Variants in ADAMTS12 observed in about 807,000 individuals in gnomAD.
ADAMTS12 encodes the protein A disintegrin and metalloproteinase with thrombospondin motifs 12.
Under a neutral mutation model 167.8 loss-of-function variants are expected in ADAMTS12, and 118 were observed. The observed-to-expected ratio is 0.70, with a 90% confidence interval of 0.61 to 0.82. The LOEUF is 0.82. ADAMTS12 is among the 40% of genes least tolerant of loss of function. The pLI is 0.00. For missense variants in ADAMTS12, 1,916 were observed against 1,998.8 expected, an observed-to-expected ratio of 0.96 and a Z score of 0.79; for synonymous variants, 704 against 716.9, an observed-to-expected ratio of 0.98 and a Z score of 0.29.
chr5:33,733,725 T>A (rs1015235125), intron 3 of ADAMTS12, among the ~76,000 whole-genome samples: 1 of 152,070 alleles, frequency 6.6e-6, no homozygotes, highest in African/African-American at 2.4e-5. Context: ...CCTGAAAGGA[T>A]CATAAGTGTC....
At chr5:33,800,159 A>C (rs1004839262) in intron 2 of ADAMTS12, among the ~76,000 whole-genome samples, 4 of 152,216 alleles carry the variant, frequency 2.6e-5, no homozygotes, top group Admixed American at 2.0e-4. Context: ...ATAGATACAC[A>C]CACTTCAATT....
At chr5:33,681,201 A>G (rs1176349495) in intron 5 of ADAMTS12, among the ~76,000 whole-genome samples, 1 of 152,180 alleles carries the variant, frequency 6.6e-6, no homozygotes, top group African/African-American at 2.4e-5. Context: ...TTAGGTGACA[A>G]AGGGAGACCG....
At chr5:33,804,984 C>T (rs1459882293) in intron 2 of ADAMTS12, among the ~76,000 whole-genome samples, 1 of 152,168 alleles carries the variant, frequency 6.6e-6, no homozygotes, top group Non-Finnish European at 1.5e-5. Context: ...CTTTGCACCC[C>T]TGACAAACAA....
chr5:33,789,227 G>C (rs1746440206), intron 2 of ADAMTS12, among the ~76,000 whole-genome samples: 1 of 152,192 alleles, frequency 6.6e-6, no homozygotes, highest in South Asian at 2.1e-4. Context: ...CTGTGTCCCA[G>C]GCCCAAGGCC....
In ADAMTS12 at chr5:33,577,124, T is replaced by C. The variant is rs1746789211; in HGVS notation, c.2902A>G (p.Ser968Gly). 1 of 1,614,202 alleles carries C rather than the reference T, an allele frequency of 6.2e-7. No individual in the cohort carries two copies. The highest frequency in any genetic ancestry group is 8.5e-7 in the Non-Finnish European group (1 of 1,180,026). The change falls in exon 19 of 24, where the codon AGT becomes GGT. Residue 968 changes from serine to glycine, a missense_variant. Physicochemically the swap from Ser to Gly is moderately conservative, Grantham distance 56. Coordinates refer to ENST00000504830, the MANE Select transcript of ADAMTS12 (RefSeq NM_030955.4). The part of the protein sequence containing the change: ...VSCGGGVRIR[S>G]VTCAKNHDEP... The stretch of plus-strand genomic sequence containing the variant: ...TCATGGTTCTTGGCACATGTGACAC[T>C]GCGAATCCGCACTCCACCACCACAG...
chr5:33,794,678 A>G (rs1463448631), intron 2 of ADAMTS12, among the ~76,000 whole-genome samples: 1 of 152,208 alleles, frequency 6.6e-6, no homozygotes, highest in Non-Finnish European at 1.5e-5. Flanking sequence ...CATCAGTAGC[A>G]GAACCAGCAG....
In ADAMTS12 at chr5:33,648,801, G is replaced by C. The variant is rs6870538; in HGVS notation, c.1479+21C>G. ...CTGGAGATCTGAAGCCCTGCATATA[G>C]CCACCAAGAGGTACACTTACTTCTA... On this transcript the variant is annotated intron_variant, in intron 9 of 23. Coordinates refer to ENST00000504830, the MANE Select transcript of ADAMTS12 (RefSeq NM_030955.4). 987,701 of 1,612,798 alleles carry C rather than the reference G, an allele frequency of 0.61. 305,261 individuals carry two copies. Among genetic ancestry groups the C allele is most frequent in the East Asian group, 0.65 (29,039 of 44,846 alleles).
At position 33,857,628 on chromosome 5, in the gene ADAMTS12, A is replaced by G. The variant is rs370358426; in HGVS notation, c.489+23491T>C. On this transcript the variant is annotated intron_variant, in intron 2 of 23. Coordinates refer to ENST00000504830, the MANE Select transcript of ADAMTS12 (RefSeq NM_030955.4). ...GAAGCTCCAAAGCAAAGGGAATTTG[A>G]TAAGTTCAGTTAGAACTGAAACCTC... Among the ~76,000 whole-genome samples, 7 of 152,312 alleles carry G rather than the reference A, an allele frequency of 4.6e-5. No homozygotes were observed. The East Asian group carries it at 9.6e-4, about 21-fold the overall frequency.
Position 33,595,974 on chromosome 5 carries a change from C to T in ADAMTS12, c.2614G>A (p.Gly872Arg). Residue 872 changes from glycine to arginine, a missense_variant, in exon 17 of 24, where the codon GGG (glycine) becomes AGG (arginine). Coordinates refer to ENST00000504830, the MANE Select transcript of ADAMTS12 (RefSeq NM_030955.4). Reference protein sequence around the residue: ...TFCDPETQPNGRQKKCHEKAC... With the variant: ...TFCDPETQPNRRQKKCHEKAC... ...TTTTCATGGCACTTCTTCTGTCTCCCATTGGGCTGTGTTTCTGGGTCACAG... is the reference window on the plus strand; with the variant it reads ...TTTTCATGGCACTTCTTCTGTCTCCTATTGGGCTGTGTTTCTGGGTCACAG... The T allele has an allele frequency of 4.3e-6, 7 of 1,614,132 alleles. No homozygotes were observed. Among genetic ancestry groups the T allele is most frequent in the Non-Finnish European group, 5.9e-6 (7 of 1,179,982 alleles).
chr5:33,881,162 C>G lies in ADAMTS12; in HGVS notation c.446G>C (p.Gly149Ala). 1.2e-6 allele frequency: 2 copies of G among 1,614,102 alleles called. No individual in the cohort carries two copies. Among genetic ancestry groups the G allele is most frequent in the Non-Finnish European group, 8.5e-7 (1 of 1,180,026 alleles). The change falls in exon 2 of 24, where the codon GGC becomes GCC. Residue 149 changes from glycine to alanine, a missense_variant. Gly to Ala is a moderately conservative substitution (Grantham distance 60). Coordinates refer to ENST00000504830, the MANE Select transcript of ADAMTS12 (RefSeq NM_030955.4). ...CHLSGTVLQQ[G>A]TRVGTAALSA... ...GAGGGCTGCCGTCCCAACTCTGGTGCCCTGCTGTAGAACCGTGCCACTGAG... is the reference window on the plus strand; with the variant it reads ...GAGGGCTGCCGTCCCAACTCTGGTGGCCTGCTGTAGAACCGTGCCACTGAG...
chr5:33,621,546 C>T (rs981480142), intron 14 of ADAMTS12, among the ~76,000 whole-genome samples: 7 of 152,122 alleles, frequency 4.6e-5, no homozygotes, highest in Admixed American at 6.5e-5. Flanking sequence ...TCCACAAAAA[C>T]GGACTTTACT....
At chr5:33,677,423 A>G (rs983022329) in intron 5 of ADAMTS12, among the ~76,000 whole-genome samples, 3 of 152,200 alleles carry the variant, frequency 2.0e-5, no homozygotes, top group Non-Finnish European at 4.4e-5. Flanking sequence ...TACCAAAATT[A>G]TATGGCTAGC....
intron 2 of ADAMTS12, among the ~76,000 whole-genome samples, chr5:33,772,808 C>CGTGGT (rs1745794264): frequency 6.6e-6 from 1 of 152,156 alleles, no homozygotes; most frequent in Non-Finnish European, 1.5e-5. Flanking sequence ...GATAAGCACA[C>CGTGGT]CACGTGTGAT....
intron 2 of ADAMTS12, among the ~76,000 whole-genome samples, chr5:33,758,559 T>TA: frequency 6.6e-6 from 1 of 151,810 alleles, no homozygotes; most frequent in Non-Finnish European, 1.5e-5. Flanking sequence ...CGCAAGGGGG[T>TA]AAAGGGCTCC....
intron 23 of ADAMTS12, among the ~76,000 whole-genome samples, chr5:33,528,486 T>C (rs1743928655): frequency 1.3e-5 from 2 of 152,262 alleles, no homozygotes; most frequent in Admixed American, 1.3e-4. Context: ...GGTGCTTTGC[T>C]ATGCAGTATT....
chr5:33,546,400 G>T (rs1262578422), intron 21 of ADAMTS12, among the ~76,000 whole-genome samples, 198 bp from the exon 22 acceptor site: 7 of 151,494 alleles, frequency 4.6e-5, no homozygotes, highest in African/African-American at 1.7e-4. Flanking sequence ...GGGGAAACAA[G>T]AATTAAAGAG....
intron 2 of ADAMTS12, among the ~76,000 whole-genome samples, chr5:33,877,819 C>T (rs770582308): frequency 1.4e-4 from 22 of 152,108 alleles, no homozygotes; most frequent in Non-Finnish European, 2.8e-4. Context: ...TCTGAGTCTG[C>T]TCCAGAGGAG....
chr5:33,874,166 C>T (rs1481570307), intron 2 of ADAMTS12, among the ~76,000 whole-genome samples: 1 of 152,076 alleles, frequency 6.6e-6, no homozygotes, highest in African/African-American at 2.4e-5. Flanking sequence ...AAAATATTTG[C>T]AAAAGACATC....
rs1413512969 is a variant in ADAMTS12 at position 33,835,688 on chromosome 5, A to AG, written c.489+45430_489+45431insC. 5.5e-5 allele frequency among the ~76,000 whole-genome samples: 6 copies of AG among 109,184 alleles called. No homozygotes were observed. In the South Asian group the frequency reaches 1.5e-3, roughly 27 times the overall value. The allele number at this position is 109,184 out of a possible 152,430, so 71.6% of individuals were successfully genotyped here. A position where few individuals can be genotyped will look rare whatever the true frequency, so the allele number is the denominator to read the frequency against. ...GACCTAATCACCTCCCAATGGCCCT[A>AG]CCCCTAATACCATTACCTTGGGGGT... is the stretch of plus-strand genomic sequence containing the variant. On this transcript the variant is annotated intron_variant, in intron 2 of 23. Transcript: ENST00000504830.
Sources: allele counts gnomAD v4.1 joint callset (sites outside exome capture counted in the v4.1 genomes callset), GRCh38; gene constraint gnomAD v4.1.1; transcripts MANE v1.5; gene names NCBI Gene and HGNC (gene_info 2026-07-23, HGNC 2026-07-21).